NCMAP: variants seen among roughly 807,000 people sequenced by gnomAD.
The protein encoded by NCMAP is non-compact myelin associated protein.
A neutral mutation model predicts 7.8 loss-of-function variants in NCMAP; 8 were observed. The ratio of observed to expected loss-of-function variants is 1.02; its 90% CI spans 0.60 to 1.84. The LOEUF (loss-of-function observed/expected upper bound fraction) is 1.84, where lower values mean the gene tolerates loss of function less well. NCMAP is among the 40% of genes most tolerant of loss of function. NCMAP has a pLI of 0.00. For missense variants in NCMAP, 112 were observed against 131.4 expected (o/e 0.85, Z 0.72); for synonymous variants, 41 against 52.9 (o/e 0.78, Z 0.98).
In NCMAP at chr1:24,601,456, T is replaced by G. The variant is rs908356270; in HGVS notation, c.167+432T>G. ...ATAAGGGGAAATAAAAGAATATAAT[T>G]TGATCATACAAAAAATAAATTTTAT... On this transcript the variant is annotated intron_variant, in intron 3 of 3. Coordinates refer to ENST00000374392, the MANE Select transcript of NCMAP (RefSeq NM_001010980.5). Among the ~76,000 whole-genome samples the G allele has an allele frequency of 5.7e-4, 87 of 152,178 alleles. 1 individual carries two copies. Among genetic ancestry groups the G allele is most frequent in the African/African-American group, 2.1e-3 (86 of 41,444 alleles).
chr1:24,576,981 C>A lies in NCMAP; in HGVS notation c.-7-18443C>A, dbSNP rs60098808. Among the ~76,000 whole-genome samples, 75,937 of 151,400 alleles carry A rather than the reference C, an allele frequency of 0.5. 19,436 individuals are homozygous for A. Among genetic ancestry groups the A allele is most frequent in the Middle Eastern group, 0.58 (171 of 294 alleles). ...TGTCTCTACTAAAAGCACACACACACAAAAAAATTAGCTGGGCGTGGTGGT... is the reference window on the plus strand; with the variant it reads ...TGTCTCTACTAAAAGCACACACACAAAAAAAAATTAGCTGGGCGTGGTGGT... On this transcript the variant is annotated intron_variant, in intron 1 of 3. Transcript: ENST00000374392. The surrounding 1 kb of genome is among the most constrained non-coding windows in gnomAD (Gnocchi z 4.0).
At position 24,608,494 on chromosome 1, in the gene NCMAP, C is replaced by G. The variant is rs969480678; in HGVS notation, c.*2747C>G. Reference sequence around the variant, plus strand: ...GATTCCTGCTTCATTCAAGCTACTACTTAGGCCCAAGGAGCAAGGGGTAGA... The same window carrying G: ...GATTCCTGCTTCATTCAAGCTACTAGTTAGGCCCAAGGAGCAAGGGGTAGA... On this transcript the variant is annotated 3_prime_UTR_variant, in exon 4 of 4. Coordinates refer to ENST00000374392, the MANE Select transcript of NCMAP (RefSeq NM_001010980.5). 5 of 152,412 alleles carry G rather than the reference C, an allele frequency of 3.3e-5. No homozygotes were observed. Among genetic ancestry groups the G allele is most frequent in the African/African-American group, 1.2e-4 (5 of 41,588 alleles). The allele number at this position is 152,412 out of a possible 1,614,324, so 9.4% of individuals were successfully genotyped here.
At chr1:24,575,591 C>T (rs924851505) in intron 1 of NCMAP, among the ~76,000 whole-genome samples, 1 of 152,174 alleles carries the variant, frequency 6.6e-6, no homozygotes, top group Non-Finnish European at 1.5e-5. Context: ...TTGGCATTTG[C>T]AAGCTCATCA....
intron 1 of NCMAP, among the ~76,000 whole-genome samples, chr1:24,562,384 A>G (rs1023903358): frequency 6.6e-6 from 1 of 152,182 alleles, no homozygotes; most frequent in Non-Finnish European, 1.5e-5. Flanking sequence ...GAGGCTTGGA[A>G]AGACTAAGTG....
intron 1 of NCMAP, among the ~76,000 whole-genome samples, chr1:24,580,199 C>A (rs1233934649): frequency 4.6e-5 from 7 of 152,216 alleles, no homozygotes; most frequent in African/African-American, 7.2e-5. Context: ...GGGTACTGGG[C>A]AGCTGAAATG....
At chr1:24,579,665 C>T (rs1226170061) in intron 1 of NCMAP, among the ~76,000 whole-genome samples, 2 of 152,184 alleles carry the variant, frequency 1.3e-5, no homozygotes, top group Non-Finnish European at 1.5e-5. Context: ...GAATTCAAGG[C>T]TGCAGTGAGC....
intron 3 of NCMAP, among the ~76,000 whole-genome samples, chr1:24,604,755 G>A (rs1303324404): frequency 6.7e-6 from 1 of 148,698 alleles, no homozygotes; most frequent in East Asian, 2.0e-4. Context: ...GCCAAGTGGG[G>A]AGGATCACTT....
chr1:24,592,132 A>C (rs1184403899), intron 1 of NCMAP, among the ~76,000 whole-genome samples: 1 of 152,192 alleles, frequency 6.6e-6, no homozygotes, highest in Non-Finnish European at 1.5e-5. Context: ...GGGAAGAGGG[A>C]GTGCCCTGCT....
chr1:24,581,995 G>A (rs904036710), intron 1 of NCMAP, among the ~76,000 whole-genome samples: 2 of 152,150 alleles, frequency 1.3e-5, no homozygotes, highest in Admixed American at 6.5e-5. Context: ...AGACTTACAT[G>A]AAATCAGCTT....
At chr1:24,581,579 C>G (rs191127055) in intron 1 of NCMAP, among the ~76,000 whole-genome samples, 2 of 152,194 alleles carry the variant, frequency 1.3e-5, no homozygotes, top group African/African-American at 4.8e-5. Context: ...GACTGAGAGT[C>G]GCTGGGAGAA....
chr1:24,598,786 T>TACCC (rs1652348813), intron 2 of NCMAP, among the ~76,000 whole-genome samples: 1 of 151,556 alleles, frequency 6.6e-6, no homozygotes. Context: ...TACAGGCTTG[T>TACCC]ACCACCAGGC....
At chr1:24,595,397 A>G in intron 1 of NCMAP, 27 bp from the exon 2 acceptor site, 1 of 1,532,842 alleles carries the variant, frequency 6.5e-7, no homozygotes, top group Admixed American at 1.7e-5. Context: ...CTAATTTTAA[A>G]CAAAATATCT....
chr1:24,600,433 C>T (rs975560015), intron 2 of NCMAP, among the ~76,000 whole-genome samples: 3 of 152,118 alleles, frequency 2.0e-5, no homozygotes, highest in Non-Finnish European at 4.4e-5. Context: ...GAATTGCAGG[C>T]ATGAGCCACT....
intron 2 of NCMAP, among the ~76,000 whole-genome samples, chr1:24,599,803 C>A (rs1652403609): frequency 7.8e-6 from 1 of 128,506 alleles, no homozygotes; most frequent in Non-Finnish European, 1.6e-5. Flanking sequence ...GTCTCGAACT[C>A]CTGACCTCGT....
chr1:24,563,281 G>A lies in NCMAP; in HGVS notation c.-8+7112G>A, dbSNP rs535454703. On this transcript the variant is annotated intron_variant, in intron 1 of 3. Transcript: ENST00000374392. ...TTGCGCCTGTAATCCCAGCAATTTGGGAGGCCGAGGCAGGCAGATGACCTG... is the reference window on the plus strand; with the variant it reads ...TTGCGCCTGTAATCCCAGCAATTTGAGAGGCCGAGGCAGGCAGATGACCTG... Among the ~76,000 whole-genome samples the A allele has an allele frequency of 1.1e-4, 16 of 151,022 alleles. No homozygotes were observed. The South Asian group carries it at 3.3e-3, about 31-fold the overall frequency.
rs555264577 is a variant in NCMAP at position 24,600,403 on chromosome 1, C to G, written c.83-537C>G. Among the ~76,000 whole-genome samples, 8 of 152,268 alleles carry G rather than the reference C, an allele frequency of 5.3e-5. No individual in the cohort carries two copies. The South Asian group carries it at 1.7e-3, about 32-fold the overall frequency. ...TCCTGGGCTCAAGTGATCCTCCCAC[C>G]CCATCCTCTCAAAGTACTGGAATTG... On this transcript the variant is annotated intron_variant, in intron 2 of 3. Transcript: ENST00000374392.
intron 3 of NCMAP, among the ~76,000 whole-genome samples, chr1:24,602,719 T>G (rs1200173347): frequency 6.8e-6 from 1 of 147,652 alleles, no homozygotes; most frequent in Non-Finnish European, 1.5e-5. Context: ...TTGGGCAACA[T>G]AGCAAGACCC....
chr1:24,573,952 C>CAAAAAAAAAAAA (rs78594011), intron 1 of NCMAP, among the ~76,000 whole-genome samples: 1,043 of 84,268 alleles, frequency 0.012, 66 homozygotes, highest in African/African-American at 0.027. Flanking sequence ...CCAGAGAGGA[C>CAAAAAAAAAAAA]AAAAAAAAAA....
intron 3 of NCMAP, among the ~76,000 whole-genome samples, chr1:24,604,824 C>G (rs1652664111): frequency 6.7e-6 from 1 of 149,798 alleles, no homozygotes; most frequent in Admixed American, 6.7e-5. Context: ...ACTAAAAATA[C>G]AAAAATTTGG....
Sources: allele counts gnomAD v4.1 joint callset (sites outside exome capture counted in the v4.1 genomes callset), GRCh38; gene constraint gnomAD v4.1.1; non-coding constraint Gnocchi (gnomAD v3.1); transcripts MANE v1.5; gene names NCBI Gene and HGNC (gene_info 2026-07-23, HGNC 2026-07-21).